PHKB: variants seen among roughly 807,000 people sequenced by gnomAD.
PHKB encodes the protein phosphorylase b kinase regulatory subunit beta.
In PHKB, 122 loss-of-function variants were observed where a neutral mutation model predicts 152.1. The ratio of observed to expected loss-of-function variants is 0.80; its 90% confidence interval spans 0.69 to 0.93. PHKB has a LOEUF of 0.93. Among genes scored for constraint, PHKB ranks in the 40% least tolerant of loss-of-function variants. The probability of loss-of-function intolerance (pLI) is 0.00; values close to 1 mark genes in which losing one functional copy is unlikely to be tolerated. For synonymous variants in PHKB, 436 were observed against 464.9 expected (o/e 0.94, Z 0.80); for missense variants, 1,304 against 1,328.4 (o/e 0.98, Z 0.29).
At chr16:47,609,630 T>C (rs1972391157) in intron 13 of PHKB, among the ~76,000 whole-genome samples, 1 of 152,108 alleles carries the variant, frequency 6.6e-6, no homozygotes, top group African/African-American at 2.4e-5. Flanking sequence ...GATTTTCTAT[T>C]CCTTCTTGAG....
In PHKB at chr16:47,521,790, A is replaced by G. The variant is rs192099901; in HGVS notation, c.594+6189A>G. Among the ~76,000 whole-genome samples, 22 of 152,146 alleles carry G rather than the reference A, an allele frequency of 1.4e-4. No individual in the cohort carries two copies. The East Asian group carries it at 4.3e-3, about 29-fold the overall frequency. On this transcript the variant is annotated intron_variant, in intron 6 of 30. Transcript: ENST00000323584. ...ATCATGGAAAGTTGTTAGATTTTTAATATTTTTTCTATATCTGTTGAGATG... is the reference window on the plus strand; with the variant it reads ...ATCATGGAAAGTTGTTAGATTTTTAGTATTTTTTCTATATCTGTTGAGATG...
intron 25 of PHKB, chr16:47,666,060 T>G (rs1317723794): frequency 6.7e-7 from 1 of 1,496,528 alleles, no homozygotes; most frequent in South Asian, 1.1e-5. Flanking sequence ...AGACACTTAT[T>G]TGGTCCCGGT....
chr16:47,619,611 C>T (rs1972582427), intron 14 of PHKB, among the ~76,000 whole-genome samples: 1 of 152,216 alleles, frequency 6.6e-6, no homozygotes, highest in African/African-American at 2.4e-5. Flanking sequence ...TTCACCCTAA[C>T]TTGTTCCTGT....
At chr16:47,490,118 A>G (rs1320449428) in intron 1 of PHKB, among the ~76,000 whole-genome samples, 1 of 152,144 alleles carries the variant, frequency 6.6e-6, no homozygotes, top group Non-Finnish European at 1.5e-5. Flanking sequence ...AGTTCAGTCC[A>G]TTTAGTTCTT....
intron 6 of PHKB, among the ~76,000 whole-genome samples, chr16:47,537,739 G>C (rs553142245): frequency 8.6e-5 from 13 of 151,998 alleles, no homozygotes; most frequent in African/African-American, 2.9e-4. Context: ...TTGGTGGAAG[G>C]GTTTAGAACA....
Position 47,522,499 on chromosome 16 carries a change from G to A in PHKB, c.594+6898G>A, listed in dbSNP as rs116008528. 1.6e-3 allele frequency among the ~76,000 whole-genome samples: 232 copies of A among 148,588 alleles called. 2 individuals carry two copies. Among genetic ancestry groups the A allele is most frequent in the African/African-American group, 5.5e-3 (222 of 40,592 alleles). On this transcript the variant is annotated intron_variant, in intron 6 of 30. Coordinates refer to ENST00000323584, the MANE Select transcript of PHKB (RefSeq NM_000293.3). ...AGCCTTTTCAAAAAATCAATTTTTG[G>A]TTTTATTTTTAAAATTATTTTTCTC...
At chr16:47,596,203 C>T (rs910259739) in intron 12 of PHKB, among the ~76,000 whole-genome samples, 170 bp from the exon 13 acceptor site, 1 of 152,108 alleles carries the variant, frequency 6.6e-6, no homozygotes, top group Non-Finnish European at 1.5e-5. Context: ...TTTGCTCTTC[C>T]TTCGCCTTCC....
rs201321914 is a variant in PHKB, at chr16:47,547,569, GT to G, written c.710+31del. 1.5e-3 allele frequency: 1,763 copies of G among 1,211,822 alleles called. 9 individuals carry two copies. The highest frequency in any genetic ancestry group is 4.2e-3 in the South Asian group (324 of 76,380). The allele number at this position is 1,211,822 out of a possible 1,614,324, so 75.1% of individuals were successfully genotyped here. A position where few individuals can be genotyped will look rare whatever the true frequency, so the allele number is the denominator to read the frequency against. On this transcript the variant is annotated intron_variant, in intron 7 of 30. Coordinates refer to ENST00000323584, the MANE Select transcript of PHKB (RefSeq NM_000293.3). The stretch of plus-strand genomic sequence containing the variant: ...TCGAGGTAATTTGCTGATTTCTGAG[GT>G]TTTTTTTTTAAATTAAATGTATGGA...
intron 26 of PHKB, among the ~76,000 whole-genome samples, chr16:47,682,890 T>C (rs1319074318): frequency 6.6e-6 from 1 of 152,180 alleles, no homozygotes; most frequent in Non-Finnish European, 1.5e-5. Context: ...CCCATCTTTG[T>C]GGTTTTATCT....
At position 47,650,589 on chromosome 16, in the gene PHKB, C is replaced by T; in HGVS notation, c.1843C>T (p.Pro615Ser). 1 of 1,611,476 alleles carries T rather than the reference C, an allele frequency of 6.2e-7. No individual in the cohort carries two copies. The highest frequency in any genetic ancestry group is 8.5e-7 in the Non-Finnish European group (1 of 1,177,684). ...IKQYWKMHGRPLFLVLIREDN... is the reference protein window; with the variant it reads ...IKQYWKMHGRSLFLVLIREDN... ...ACAATATTGGAAAATGCATGGACGT[C>T]CACTTTTCCTTGTTCTCATCCGGGA... Residue 615 changes from proline to serine, a missense_variant, in exon 19 of 31, where the codon CCA becomes TCA. Coordinates refer to ENST00000323584, the MANE Select transcript of PHKB (RefSeq NM_000293.3).
At chr16:47,677,899 C>T (rs1454746620) in intron 26 of PHKB, among the ~76,000 whole-genome samples, 2 of 150,084 alleles carry the variant, frequency 1.3e-5, no homozygotes, top group Admixed American at 1.3e-4. Context: ...AGGTATATCT[C>T]CTAATGCTAT....
chr16:47,511,297 T>A (rs1970505902), intron 4 of PHKB, among the ~76,000 whole-genome samples: 1 of 152,232 alleles, frequency 6.6e-6, no homozygotes, highest in African/African-American at 2.4e-5. Context: ...CATGTAGGCA[T>A]TTCCAAATAA....
intron 5 of PHKB, among the ~76,000 whole-genome samples, chr16:47,512,403 G>A (rs1317398216): frequency 1.3e-5 from 2 of 152,114 alleles, no homozygotes; most frequent in Non-Finnish European, 2.9e-5. Flanking sequence ...AGTTCTTTCC[G>A]TGACAAAAGT....
At chr16:47,504,291 T>C (rs1162718698) in intron 4 of PHKB, among the ~76,000 whole-genome samples, 1 of 152,234 alleles carries the variant, frequency 6.6e-6, no homozygotes, top group African/African-American at 2.4e-5. Flanking sequence ...GGAAGTTCAA[T>C]AGAAGCTTGA....
intron 26 of PHKB, among the ~76,000 whole-genome samples, chr16:47,681,716 C>T (rs1344009567): frequency 1.3e-5 from 2 of 152,096 alleles, no homozygotes; most frequent in African/African-American, 4.8e-5. Context: ...GGTCTTGACC[C>T]TTTATCCAAT....
intron 14 of PHKB, among the ~76,000 whole-genome samples, chr16:47,634,219 AAAT>A (rs1972876916): frequency 6.6e-6 from 1 of 152,262 alleles, no homozygotes; most frequent in Admixed American, 6.5e-5. Flanking sequence ...GTCACACAGC[AAAT>A]AATAGTATAA....
Position 47,526,484 on chromosome 16 carries a change from A to C in PHKB, c.594+10883A>C, listed in dbSNP as rs564504643. On this transcript the variant is annotated intron_variant, in intron 6 of 30. Transcript: ENST00000323584. ...CTGGAGGTTGAGAGTTGGGACTGAAAGTTTCAATCCTGTAATCATATAGCT... is the reference window on the plus strand; with the variant it reads ...CTGGAGGTTGAGAGTTGGGACTGAACGTTTCAATCCTGTAATCATATAGCT... 8.4e-4 allele frequency among the ~76,000 whole-genome samples: 128 copies of C among 152,196 alleles called. 1 individual carries two copies. The highest frequency in any genetic ancestry group is 2.9e-3 in the African/African-American group (122 of 41,520).
At chr16:47,574,921 C>G (rs992785035) in intron 7 of PHKB, among the ~76,000 whole-genome samples, 1 of 152,166 alleles carries the variant, frequency 6.6e-6, no homozygotes. Context: ...CTTTTTATTT[C>G]CTTTTCTTGC....
At chr16:47,498,883 A>G (rs190178371) in intron 2 of PHKB, among the ~76,000 whole-genome samples, 1 of 152,336 alleles carries the variant, frequency 6.6e-6, no homozygotes, top group African/African-American at 2.4e-5. Context: ...AGCCTGGGTT[A>G]TAGAGTGAGA....
Sources: allele counts gnomAD v4.1 joint callset (sites outside exome capture counted in the v4.1 genomes callset), GRCh38; gene constraint gnomAD v4.1.1; transcripts MANE v1.5; gene names NCBI Gene and HGNC (gene_info 2026-07-23, HGNC 2026-07-21).